The following ZUP1 variants were observed in gnomAD, a reference collection of about 807,000 sequenced individuals.
The protein encoded by ZUP1 is zinc finger containing ubiquitin peptidase 1, also known as zinc finger-containing ubiquitin peptidase 1.
In ZUP1, 55 loss-of-function variants were observed where a neutral mutation model predicts 68.1. That is an observed-to-expected ratio of 0.81 (90% CI 0.65 to 1.01). The LOEUF (loss-of-function observed/expected upper bound fraction) is 1.01. Among genes scored for constraint, ZUP1 ranks in the 50% least tolerant of loss-of-function variants. ZUP1 has a pLI of 0.00. For missense variants in ZUP1, 684 were observed against 674.9 expected, an observed-to-expected ratio of 1.01 and a Z score of -0.15; for synonymous variants, 223 against 221.5, an observed-to-expected ratio of 1.01 and a Z score of -0.06.
intron 9 of ZUP1, among the ~76,000 whole-genome samples, chr6:116,639,959 A>G (rs1776037665): frequency 1.3e-5 from 2 of 152,212 alleles, no homozygotes; most frequent in Admixed American, 6.5e-5. Flanking sequence ...AGACGAATGT[A>G]TAACTAGAAT....
intron 2 of ZUP1, among the ~76,000 whole-genome samples, chr6:116,661,047 T>TA (rs1776823040): frequency 6.8e-6 from 1 of 147,940 alleles, no homozygotes; most frequent in Non-Finnish European, 1.5e-5. Flanking sequence ...CCCAGCTAAT[T>TA]TTTTTTTTTT....
chr6:116,657,022 C>A (rs1026969740), intron 4 of ZUP1, among the ~76,000 whole-genome samples, 170 bp from the exon 5 acceptor site: 52 of 90,262 alleles, frequency 5.8e-4, no homozygotes, highest in African/African-American at 1.7e-3. Context: ...CACACACACA[C>A]ACAAAAAAAA....
chr6:116,638,129 T>C (rs1296684960), intron 9 of ZUP1, among the ~76,000 whole-genome samples: 13 of 151,988 alleles, frequency 8.6e-5, no homozygotes, highest in Admixed American at 8.5e-4. Context: ...AAGATTATTC[T>C]AGCTCTATTA....
chr6:116,636,949 T>C lies in ZUP1; in HGVS notation c.1690-1070A>G, dbSNP rs72959936. Among the ~76,000 whole-genome samples the C allele has an allele frequency of 4.0e-3, 610 of 152,288 alleles. 2 individuals carry two copies. The highest frequency in any genetic ancestry group is 6.4e-3 in the Non-Finnish European group (434 of 68,000). On this transcript the variant is annotated intron_variant, in intron 9 of 9. Transcript: ENST00000368576. ...TTTTACCTGATGATCTGCAAAACAC[T>C]TGGCACATTAATATTGGCTGAATTC...
intron 7 of ZUP1, among the ~76,000 whole-genome samples, chr6:116,650,933 C>CAA (rs1295768834): frequency 6.6e-6 from 1 of 151,584 alleles, no homozygotes; most frequent in African/African-American, 2.4e-5. Flanking sequence ...CACACACACA[C>CAA]AAAACAGTGA....
chr6:116,662,657 T>C (rs1294154818), intron 2 of ZUP1, among the ~76,000 whole-genome samples: 1 of 152,198 alleles, frequency 6.6e-6, no homozygotes, highest in Non-Finnish European at 1.5e-5. Context: ...AAAATCTTTC[T>C]CTGGATATTC....
intron 9 of ZUP1, 139 bp downstream of exon 9, chr6:116,645,575 C>A (rs1254193548): frequency 3.9e-5 from 25 of 647,132 alleles, no homozygotes; most frequent in Admixed American, 7.0e-5. Context: ...AGAGTGAGAC[C>A]CTGTCTCCAA....
chr6:116,652,241 C>A, intron 5 of ZUP1, 49 bp from the exon 6 acceptor site: 1 of 1,427,002 alleles, frequency 7.0e-7, no homozygotes, highest in South Asian at 1.2e-5. Context: ...CTTTATATTG[C>A]TATCTCATAC....
chr6:116,651,941 A>G, intron 6 of ZUP1, 63 bp downstream of exon 6: 2 of 1,529,108 alleles, frequency 1.3e-6, no homozygotes, highest in South Asian at 2.4e-5. Flanking sequence ...TGTGTATGCT[A>G]TATCATTCTA....
rs572467852 is a variant in ZUP1 at position 116,641,867 on chromosome 6, C to CA, written c.1689+3846dup. Among the ~76,000 whole-genome samples, 495 of 152,022 alleles carry CA rather than the reference C, an allele frequency of 3.3e-3. 13 individuals carry two copies. Among genetic ancestry groups the CA allele is most frequent in the Admixed American group, 0.024 (368 of 15,278 alleles). On this transcript the variant is annotated intron_variant, in intron 9 of 9. Coordinates refer to ENST00000368576, the MANE Select transcript of ZUP1 (RefSeq NM_145062.3). ...AGCAGAACTGAAGGAAATAGAGACACAAAAAACCCTTCAAAAAATTAATGA... is the reference window on the plus strand; with the variant it reads ...AGCAGAACTGAAGGAAATAGAGACACAAAAAAACCCTTCAAAAAATTAATGA...
intron 7 of ZUP1, among the ~76,000 whole-genome samples, chr6:116,651,139 A>C (rs1776477501): frequency 6.6e-6 from 1 of 152,130 alleles, no homozygotes; most frequent in Non-Finnish European, 1.5e-5. Context: ...ACAATTATTA[A>C]CTCAAGAAAA....
intron 9 of ZUP1, among the ~76,000 whole-genome samples, chr6:116,641,583 A>C (rs1328350094): frequency 1.3e-5 from 2 of 152,218 alleles, no homozygotes; most frequent in Non-Finnish European, 2.9e-5. Flanking sequence ...CTGCTCCTGA[A>C]TGACTACTGG....
rs534115589 is a variant in ZUP1 at position 116,635,747 on chromosome 6, C to T, written c.*85G>A. 2 of 1,055,212 alleles carry T rather than the reference C, an allele frequency of 1.9e-6. No individual in the cohort carries two copies. Among genetic ancestry groups the T allele is most frequent in the Non-Finnish European group, 2.7e-6 (2 of 732,172 alleles). The allele number at this position is 1,055,212 out of a possible 1,614,324, so 65.4% of individuals were successfully genotyped here. A position where few individuals can be genotyped will look rare whatever the true frequency, so the allele number is the denominator to read the frequency against. On this transcript the variant is annotated 3_prime_UTR_variant, in exon 10 of 10. Transcript: ENST00000368576. ...TAAGACTTAAGAGAATTCACAGATT[C>T]ATAATTGTATTAAGGAGTTCAATAT...
At chr6:116,651,198 T>C (rs1000324387) in intron 7 of ZUP1, among the ~76,000 whole-genome samples, 1 of 152,168 alleles carries the variant, frequency 6.6e-6, no homozygotes, top group South Asian at 2.1e-4. Context: ...ATTTACACAA[T>C]TGTATAATAA....
chr6:116,645,973 A>C (rs368863080), intron 8 of ZUP1, 39 bp from the exon 9 acceptor site: 2 of 1,397,898 alleles, frequency 1.4e-6, no homozygotes, highest in Admixed American at 3.7e-5. Flanking sequence ...CGTCACATCT[A>C]TTTACAGTTA....
Position 116,651,654 on chromosome 6 carries a change from G to C in ZUP1, c.1234C>G (p.Gln412Glu). ...GTTCCCTGTAACCTGTTATTAAGTTGAGAGGCCCCCTGAGGATCAAAACCT... is the reference window on the plus strand; with the variant it reads ...GTTCCCTGTAACCTGTTATTAAGTTCAGAGGCCCCCTGAGGATCAAAACCT... Reference protein sequence around the residue: ...KEGFDPQGASQLNNRLQGTKA... With the variant: ...KEGFDPQGASELNNRLQGTKA... Residue 412 changes from glutamine to glutamate, a missense_variant, in exon 7 of 10, where the codon CAA (glutamine) becomes GAA (glutamate). Gln to Glu is a conservative substitution (Grantham distance 29). Coordinates refer to ENST00000368576, the MANE Select transcript of ZUP1 (RefSeq NM_145062.3). 2 of 1,613,802 alleles carry C rather than the reference G, an allele frequency of 1.2e-6. No individual in the cohort carries two copies. The highest frequency in any genetic ancestry group is 1.7e-6 in the Non-Finnish European group (2 of 1,179,834).
At chr6:116,667,545 T>C (rs1014960168) in intron 1 of ZUP1, among the ~76,000 whole-genome samples, 2 of 152,108 alleles carry the variant, frequency 1.3e-5, no homozygotes, top group Admixed American at 6.6e-5. Context: ...AAGAAACCTA[T>C]TTATCAACTG....
rs1340067986 is a variant in ZUP1 at position 116,660,825 on chromosome 6, T to C, written c.581A>G (p.Asp194Gly). The change falls in exon 3 of 10, where the codon GAT (aspartate) becomes GGT (glycine). Residue 194 changes from aspartate (D) to glycine (G), a missense_variant. By Grantham distance (94) the Asp-to-Gly change is moderately conservative (BLOSUM62 -1). Coordinates refer to ENST00000368576, the MANE Select transcript of ZUP1 (RefSeq NM_145062.3). ...PLEDCDQPLYDCPMCGLICTN... is the reference protein window; with the variant it reads ...PLEDCDQPLYGCPMCGLICTN... ...ACATATGAGCCCACACATAGGACAA[T>C]CATAGAGTGGTTGATCACAGTCTGT... 4 of 1,588,768 alleles carry C rather than the reference T, an allele frequency of 2.5e-6. No homozygotes were observed. Among genetic ancestry groups the C allele is most frequent in the East Asian group, 2.2e-5 (1 of 44,462 alleles).
At position 116,668,699 on chromosome 6, in the gene ZUP1, CAG is replaced by C. The variant is rs770723441; in HGVS notation, c.-151_-150del. 5 of 152,246 alleles carry C rather than the reference CAG, an allele frequency of 3.3e-5. No individual in the cohort carries two copies. The highest frequency in any genetic ancestry group is 7.3e-5 in the Non-Finnish European group (5 of 68,088). 9.4% of individuals were successfully genotyped at this position (152,246 alleles called of 1,614,324 possible). A position where few individuals can be genotyped will look rare whatever the true frequency, so the allele number is the denominator to read the frequency against. Reference sequence around the variant, plus strand: ...ACTGAGGCCAGGCCTTCCCAATACGCAGAGTTTCACAGTTAACCGAGGAAAGA... The same window carrying C: ...ACTGAGGCCAGGCCTTCCCAATACGCAGTTTCACAGTTAACCGAGGAAAGA... On this transcript the variant is annotated 5_prime_UTR_variant, in exon 1 of 10. Coordinates refer to ENST00000368576, the MANE Select transcript of ZUP1 (RefSeq NM_145062.3).
Sources: gnomAD v4.1 joint callset for allele counts (sites outside exome capture counted in the v4.1 genomes callset) on GRCh38, gnomAD v4.1.1 for gene constraint, MANE v1.5 for transcripts, NCBI Gene and HGNC (gene_info 2026-07-23, HGNC 2026-07-21) for gene names.